STK4: variants seen among roughly 807,000 people sequenced by gnomAD.
The protein encoded by STK4 is serine/threonine-protein kinase 4.
STK4 carries 30 observed loss-of-function variants against 64.9 expected under a neutral mutation model. The observed-to-expected ratio is 0.46, with a 90% CI of 0.35 to 0.63. The LOEUF (loss-of-function observed/expected upper bound fraction) is 0.63. Ranked by LOEUF, STK4 falls within the 20% of genes least tolerant of loss-of-function variation. The pLI is 0.01. For synonymous variants in STK4, 177 were observed against 199.0 expected (o/e 0.89, Z 0.93); for missense variants, 466 against 598.5 (o/e 0.78, Z 2.31).
intron 7 of STK4, 56 bp downstream of exon 7, chr20:44,997,362 A>G (rs2067753325): frequency 6.5e-7 from 1 of 1,536,098 alleles, no homozygotes; most frequent in African/African-American, 1.4e-5. Context: ...GCTGACCAAA[A>G]GATGCCATGA....
At chr20:45,052,513 A>C (rs1490418113) in intron 10 of STK4, among the ~76,000 whole-genome samples, 1 of 151,912 alleles carries the variant, frequency 6.6e-6, no homozygotes, top group Non-Finnish European at 1.5e-5. Context: ...TCCTCTTTTT[A>C]CTTGGCATTT....
chr20:45,059,774 G>T (rs911858526), intron 10 of STK4, among the ~76,000 whole-genome samples: 2 of 152,140 alleles, frequency 1.3e-5, no homozygotes, highest in African/African-American at 4.8e-5. Context: ...CAGGACTAGA[G>T]AATTTTTTTC....
At position 45,079,966 on chromosome 20, in the gene STK4, A is replaced by G. The variant is rs1980780831; in HGVS notation, c.*4790A>G. ...TTTGGACCACAAACCCTTATTAACGAGAACCTCAATATATAGCCTGGATAA... is the reference window on the plus strand; with the variant it reads ...TTTGGACCACAAACCCTTATTAACGGGAACCTCAATATATAGCCTGGATAA... On this transcript the variant is annotated 3_prime_UTR_variant, in exon 11 of 11. Coordinates refer to ENST00000372806, the MANE Select transcript of STK4 (RefSeq NM_006282.5). The G allele has an allele frequency of 6.6e-6, 1 of 152,218 alleles. No individual in the cohort carries two copies. Among genetic ancestry groups the G allele is most frequent in the South Asian group, 2.1e-4 (1 of 4,838 alleles). The allele number at this position is 152,218 out of a possible 1,614,324, so 9.4% of individuals were successfully genotyped here.
intron 9 of STK4, among the ~76,000 whole-genome samples, chr20:45,015,030 A>G (rs1022120856): frequency 6.6e-6 from 1 of 152,240 alleles, no homozygotes; most frequent in African/African-American, 2.4e-5. Flanking sequence ...GCATAATGAC[A>G]TAATTAAGTT....
rs1980712909 is a variant in STK4 at position 45,078,780 on chromosome 20, CATTT to C, written c.*3610_*3613del. On this transcript the variant is annotated 3_prime_UTR_variant, in exon 11 of 11. Coordinates refer to ENST00000372806, the MANE Select transcript of STK4 (RefSeq NM_006282.5). ...AGACTGTAGATTTCGATCCAGGAAA[CATTT>C]ATTTAGCACCTGCCAGATGCCAGAA... 1 of 152,234 alleles carries C rather than the reference CATTT, an allele frequency of 6.6e-6. No individual in the cohort carries two copies. Among genetic ancestry groups the C allele is most frequent in the Non-Finnish European group, 1.5e-5 (1 of 68,006 alleles). 9.4% of individuals were successfully genotyped at this position (152,234 alleles called of 1,614,324 possible). A position where few individuals can be genotyped will look rare whatever the true frequency, so the allele number is the denominator to read the frequency against.
At chr20:45,051,876 C>T (rs2068782024) in intron 10 of STK4, among the ~76,000 whole-genome samples, 1 of 152,160 alleles carries the variant, frequency 6.6e-6, no homozygotes, top group Admixed American at 6.5e-5. Context: ...TCTTCTCCAC[C>T]TATTATGCCA....
chr20:45,014,543 A>T (rs538020672), intron 9 of STK4, among the ~76,000 whole-genome samples: 3 of 149,718 alleles, frequency 2.0e-5, no homozygotes, highest in Non-Finnish European at 4.5e-5. Context: ...GCAAAAAAAT[A>T]TTTTTTTTTT....
intron 1 of STK4, among the ~76,000 whole-genome samples, chr20:44,969,525 G>A (rs79139956): frequency 6.8e-6 from 1 of 147,598 alleles, no homozygotes; most frequent in East Asian, 1.9e-4. Context: ...GTGTGATTAA[G>A]TGATGACAGA....
intron 9 of STK4, among the ~76,000 whole-genome samples, chr20:45,007,484 T>G (rs2067968188): frequency 6.6e-6 from 1 of 151,630 alleles, no homozygotes; most frequent in African/African-American, 2.4e-5. Context: ...GAGGTGGAGG[T>G]TGCAGTGAGC....
At chr20:44,994,339 G>T (rs1006866090) in intron 5 of STK4, among the ~76,000 whole-genome samples, 2 of 148,998 alleles carry the variant, frequency 1.3e-5, no homozygotes, top group African/African-American at 5.0e-5. Context: ...CATATTATTG[G>T]TTATTGTTTT....
At chr20:45,062,843 A>ATTTTTTTTTT (rs35335969) in intron 10 of STK4, among the ~76,000 whole-genome samples, 21 of 106,314 alleles carry the variant, frequency 2.0e-4, no homozygotes, top group East Asian at 5.3e-4. Flanking sequence ...ACGCCCGGCT[A>ATTTTTTTTTT]TTTTTTTTTT....
At chr20:45,074,888 A>G (rs1980390536) in intron 10 of STK4, 130 bp from the exon 11 acceptor site, 1 of 1,065,740 alleles carries the variant, frequency 9.4e-7, no homozygotes, top group Admixed American at 2.4e-5. Flanking sequence ...CCACCACTCA[A>G]CCTGTGATCT....
intron 7 of STK4, among the ~76,000 whole-genome samples, chr20:44,999,930 T>A (rs996926150): frequency 6.6e-6 from 1 of 152,248 alleles, no homozygotes; most frequent in Non-Finnish European, 1.5e-5. Flanking sequence ...AAACATTTTT[T>A]TAGTATTATC....
chr20:45,034,704 G>C (rs1465103693), intron 10 of STK4, among the ~76,000 whole-genome samples: 2 of 151,888 alleles, frequency 1.3e-5, no homozygotes, highest in Non-Finnish European at 2.9e-5. Context: ...TTGAACCCAG[G>C]AATTTGAGAT....
At chr20:45,059,457 T>C (rs943434993) in intron 10 of STK4, among the ~76,000 whole-genome samples, 6 of 152,180 alleles carry the variant, frequency 3.9e-5, no homozygotes, top group African/African-American at 1.4e-4. Context: ...GTGATACCAA[T>C]TCTGCAACAG....
intron 10 of STK4, among the ~76,000 whole-genome samples, chr20:45,038,696 A>G (rs892009636): frequency 6.6e-6 from 1 of 152,070 alleles, no homozygotes; most frequent in Non-Finnish European, 1.5e-5. Context: ...GGACCGCTTC[A>G]TACTTATAAA....
chr20:45,075,052 G>T lies in STK4; in HGVS notation c.1340G>T (p.Arg447Met), dbSNP rs1478534203. The T allele has an allele frequency of 1.2e-6, 2 of 1,614,202 alleles. No homozygotes were observed. Among genetic ancestry groups the T allele is most frequent in the Non-Finnish European group, 1.7e-6 (2 of 1,180,030 alleles). ...TGGACAGTGGAGGACCTTCAGAAGAGGCTCTTGGCCCTGGACCCCATGATG... is the reference window on the plus strand; with the variant it reads ...TGGACAGTGGAGGACCTTCAGAAGATGCTCTTGGCCCTGGACCCCATGATG... ...KSWTVEDLQK[R>M]LLALDPMMEQ... The change falls in exon 11 of 11, where the codon AGG becomes ATG. Residue 447 changes from arginine to methionine, a missense_variant. This residue lies in a region of STK4 where 276 missense variants were observed against 308.9 expected (regional missense o/e 0.89). Transcript: ENST00000372806.
chr20:45,033,993 ATAAAAATATATTCTTAAATC>A (rs1482963235), intron 10 of STK4, among the ~76,000 whole-genome samples: 1 of 152,198 alleles, frequency 6.6e-6, no homozygotes. Context: ...ACCTGGAGAT[ATAAAAATATATTCTTAAATC>A]TTACTTTAAA....
chr20:44,995,673 A>C (rs193215002), intron 6 of STK4, among the ~76,000 whole-genome samples: 3 of 150,608 alleles, frequency 2.0e-5, no homozygotes, highest in Admixed American at 2.0e-4. Context: ...TAAATGAATT[A>C]TGTGTAAATT....
Sources: allele counts gnomAD v4.1 joint callset (sites outside exome capture counted in the v4.1 genomes callset), GRCh38; gene constraint gnomAD v4.1.1; regional missense constraint gnomAD v4.1.1; transcripts MANE v1.5; gene names NCBI Gene and HGNC (gene_info 2026-07-23, HGNC 2026-07-21).